EIF2AK3: variants seen among roughly 807,000 people sequenced by gnomAD.
EIF2AK3 encodes eukaryotic translation initiation factor 2 alpha kinase 3.
In EIF2AK3, 50 loss-of-function variants were observed where a neutral mutation model predicts 113.5. That is an observed-to-expected ratio of 0.44 (90% confidence interval 0.35 to 0.56). The LOEUF is 0.56. Among genes scored for constraint, EIF2AK3 ranks in the 20% least tolerant of loss-of-function variants. EIF2AK3 has a pLI of 0.00. For missense variants in EIF2AK3, 1,185 were observed against 1,378.0 expected (o/e 0.86, Z 2.22); for synonymous variants, 448 against 495.4 (o/e 0.90, Z 1.27).
chr2:88,619,572 T>C (rs1675667864), intron 1 of EIF2AK3, among the ~76,000 whole-genome samples: 1 of 152,178 alleles, frequency 6.6e-6, no homozygotes, highest in East Asian at 1.9e-4. Flanking sequence ...ACCTAACATT[T>C]AAATCAGACA....
chr2:88,557,631 T>C lies in EIF2AK3; in HGVS notation c.*105A>G. The C allele has an allele frequency of 7.8e-7, 1 of 1,281,686 alleles. No homozygotes were observed. The highest frequency in any genetic ancestry group is 1.1e-6 in the Non-Finnish European group (1 of 880,498). The allele number at this position is 1,281,686 out of a possible 1,614,324, so 79.4% of individuals were successfully genotyped here. A position where few individuals can be genotyped will look rare whatever the true frequency, so the allele number is the denominator to read the frequency against. On this transcript the variant is annotated 3_prime_UTR_variant, in exon 17 of 17. Transcript: ENST00000303236. ...ATAAAAAAAGTAGTCCACAAAAAAATTGAGCGAAGAACAAACTTTTCAAGT... is the reference window on the plus strand; with the variant it reads ...ATAAAAAAAGTAGTCCACAAAAAAACTGAGCGAAGAACAAACTTTTCAAGT...
intron 14 of EIF2AK3, among the ~76,000 whole-genome samples, chr2:88,565,118 C>G (rs1227626546): frequency 6.6e-6 from 1 of 150,396 alleles, no homozygotes; most frequent in Non-Finnish European, 1.5e-5. Flanking sequence ...CTCACTGCAA[C>G]CTCCCCCTCC....
At chr2:88,570,653 G>A (rs767591806) in intron 14 of EIF2AK3, among the ~76,000 whole-genome samples, 1 of 152,148 alleles carries the variant, frequency 6.6e-6, no homozygotes, top group African/African-American at 2.4e-5. Context: ...GGGGGTGAGT[G>A]CATTTTATGT....
chr2:88,598,344 A>C (rs551207454), intron 2 of EIF2AK3, among the ~76,000 whole-genome samples: 1 of 152,286 alleles, frequency 6.6e-6, no homozygotes, highest in South Asian at 2.1e-4. Flanking sequence ...CTCCTTACAG[A>C]GTACTTATTA....
Position 88,557,567 on chromosome 2 carries a change from C to A in EIF2AK3, c.*169G>T. On this transcript the variant is annotated 3_prime_UTR_variant, in exon 17 of 17. Coordinates refer to ENST00000303236, the MANE Select transcript of EIF2AK3 (RefSeq NM_004836.7). Reference sequence around the variant, plus strand: ...GTATAGCAAAACTCAGGAGTTGGCTCAAATTAGGTTATGCCCCCAAATCCA... The same window carrying A: ...GTATAGCAAAACTCAGGAGTTGGCTAAAATTAGGTTATGCCCCCAAATCCA... 1 of 712,644 alleles carries A rather than the reference C, an allele frequency of 1.4e-6. No homozygotes were observed. The highest frequency in any genetic ancestry group is 2.4e-6 in the Non-Finnish European group (1 of 410,824). 44.1% of individuals were successfully genotyped at this position (712,644 alleles called of 1,614,324 possible).
Position 88,557,340 on chromosome 2 carries a change from A to T in EIF2AK3, c.*396T>A, listed in dbSNP as rs987371422. 8 of 183,810 alleles carry T rather than the reference A, an allele frequency of 4.4e-5. No individual in the cohort carries two copies. The highest frequency in any genetic ancestry group is 9.3e-5 in the Non-Finnish European group (8 of 86,134). The allele number at this position is 183,810 out of a possible 1,614,324, so 11.4% of individuals were successfully genotyped here. A position where few individuals can be genotyped will look rare whatever the true frequency, so the allele number is the denominator to read the frequency against. ...TTTCAAAATCATCATATCTCTAGAA[A>T]GCATATTTCTAGAACAATACAGTTA... On this transcript the variant is annotated 3_prime_UTR_variant, in exon 17 of 17. Transcript: ENST00000303236.
In EIF2AK3 at chr2:88,576,643, C is replaced by A; in HGVS notation, c.1947G>T (p.Pro649=). ...EVKALAKLEH[P]GIVRYFNAWL... is the part of the protein sequence containing the mutation. ...AGGCATTGAAATATCTAACAATGCC[C>A]GGGTGTTCAAGCTTGGCTAAGGCTT... The change falls in exon 12 of 17, where the codon CCG becomes CCT. Residue 649 remains proline, a synonymous_variant. Coordinates refer to ENST00000303236, the MANE Select transcript of EIF2AK3 (RefSeq NM_004836.7). 6.2e-7 allele frequency: 1 copy of A among 1,614,058 alleles called. No individual in the cohort carries two copies. Among genetic ancestry groups the A allele is most frequent in the Non-Finnish European group, 8.5e-7 (1 of 1,179,992 alleles).
chr2:88,579,743 A>G, intron 10 of EIF2AK3, 103 bp from the exon 11 acceptor site: 2 of 1,055,960 alleles, frequency 1.9e-6, no homozygotes, highest in Non-Finnish European at 2.8e-6. Flanking sequence ...GTATAAACTC[A>G]TAGAACTCAT....
rs1674645367 is a variant in EIF2AK3 at position 88,583,467 on chromosome 2, T to G, written c.1726A>C (p.Ser576Arg). 1.2e-6 allele frequency: 2 copies of G among 1,613,306 alleles called. No homozygotes were observed. The highest frequency in any genetic ancestry group is 4.5e-5 in the East Asian group (2 of 44,754). The change falls in exon 10 of 17, where the codon AGC becomes CGC. Residue 576 changes from serine (S) to arginine (R), a missense_variant. This residue lies in a region of EIF2AK3 where 877 missense variants were observed against 1,024.2 expected (regional missense o/e 0.86). Transcript: ENST00000303236. ...DSVSGEANDS[S>R]WNDIKNSGYI... Reference sequence around the variant, plus strand: ...CCAGAGTTTTTTATGTCATTCCAGCTACTGTCATTGGCTTCACCACTTACA... The same window carrying G: ...CCAGAGTTTTTTATGTCATTCCAGCGACTGTCATTGGCTTCACCACTTACA...
At chr2:88,568,669 G>A (rs1332032548) in intron 14 of EIF2AK3, among the ~76,000 whole-genome samples, 1 of 152,122 alleles carries the variant, frequency 6.6e-6, no homozygotes, top group Non-Finnish European at 1.5e-5. Flanking sequence ...ACGACAGTAT[G>A]TACCCCATAA....
chr2:88,606,284 T>C (rs1263420784), intron 2 of EIF2AK3, among the ~76,000 whole-genome samples: 2 of 150,126 alleles, frequency 1.3e-5, no homozygotes, highest in Admixed American at 6.6e-5. Context: ...ACAATGTACA[T>C]GAAGAGTCAA....
chr2:88,586,460 A>G lies in EIF2AK3; in HGVS notation c.1430-399T>C, dbSNP rs140070135. Among the ~76,000 whole-genome samples the G allele has an allele frequency of 9.2e-5, 14 of 152,252 alleles. No individual in the cohort carries two copies. In the East Asian group the frequency reaches 2.7e-3, roughly 29 times the overall value. On this transcript the variant is annotated intron_variant, in intron 8 of 16. Transcript: ENST00000303236. The stretch of plus-strand genomic sequence containing the variant: ...TTTACCACCAATCATTCTTCACAAA[A>G]TGAAAGGAAAACATCCATGCTGTTT...
At chr2:88,584,875 T>C (rs937826922) in intron 9 of EIF2AK3, among the ~76,000 whole-genome samples, 1 of 151,518 alleles carries the variant, frequency 6.6e-6, no homozygotes, top group Non-Finnish European at 1.5e-5. Context: ...CTGAGCACGG[T>C]GGAGGGGAGG....
At chr2:88,564,798 A>G (rs1674062795) in intron 14 of EIF2AK3, among the ~76,000 whole-genome samples, 1 of 152,214 alleles carries the variant, frequency 6.6e-6, no homozygotes, top group Non-Finnish European at 1.5e-5. Flanking sequence ...AAGAACCTCA[A>G]AGAGTTAAAA....
Position 88,557,593 on chromosome 2 carries a change from G to T in EIF2AK3, c.*143C>A. The T allele has an allele frequency of 1.1e-6, 1 of 888,782 alleles. No individual in the cohort carries two copies. Among genetic ancestry groups the T allele is most frequent in the Non-Finnish European group, 1.8e-6 (1 of 541,808 alleles). The allele number at this position is 888,782 out of a possible 1,614,324, so 55.1% of individuals were successfully genotyped here. ...AAATTAGGTTATGCCCCCAAATCCA[G>T]CTTAAATTTGATATAAAAAAAGTAG... On this transcript the variant is annotated 3_prime_UTR_variant, in exon 17 of 17. Coordinates refer to ENST00000303236, the MANE Select transcript of EIF2AK3 (RefSeq NM_004836.7).
intron 1 of EIF2AK3, among the ~76,000 whole-genome samples, chr2:88,622,140 G>A (rs1311128645): frequency 2.6e-5 from 4 of 151,912 alleles, no homozygotes; most frequent in African/African-American, 4.8e-5. Context: ...CAGGTGATCC[G>A]CCTGCCTTGG....
intron 2 of EIF2AK3, among the ~76,000 whole-genome samples, chr2:88,606,045 T>C (rs1675263501): frequency 2.0e-5 from 3 of 152,192 alleles, no homozygotes. Flanking sequence ...AATGATTTGG[T>C]ATTTATCTTA....
At position 88,595,604 on chromosome 2, in the gene EIF2AK3, T is replaced by G. The variant is rs767773902; in HGVS notation, c.498A>C (p.Gln166His). The change falls in exon 3 of 17, where the codon CAA (glutamine) becomes CAC (histidine). Residue 166 changes from glutamine (Q) to histidine (H), a missense_variant. By Grantham distance (24) the Gln-to-His change is conservative (BLOSUM62 0). Around this residue, in one of 3 missense-constraint regions of EIF2AK3, gnomAD observed 119 missense variants for 178.7 expected, o/e 0.67. Coordinates refer to ENST00000303236, the MANE Select transcript of EIF2AK3 (RefSeq NM_004836.7). Reference sequence around the variant, plus strand: ...GAACTGTTTCCATGCTTTCACGGTCTTGGTCCCACTGGAAGAGGGCTCCAT... The same window carrying G: ...GAACTGTTTCCATGCTTTCACGGTCGTGGTCCCACTGGAAGAGGGCTCCAT... Reference protein sequence around the residue: ...SLDGALFQWDQDRESMETVPF... With the variant: ...SLDGALFQWDHDRESMETVPF... 6.2e-7 allele frequency: 1 copy of G among 1,613,914 alleles called. No homozygotes were observed. The highest frequency in any genetic ancestry group is 1.3e-5 in the African/African-American group (1 of 74,916).
chr2:88,574,994 CCAATATG>C lies in EIF2AK3; in HGVS notation c.2482_2488del (p.His828AlafsTer8). 6.2e-7 allele frequency: 1 copy of C among 1,614,130 alleles called. No homozygotes were observed. The highest frequency in any genetic ancestry group is 1.3e-5 in the African/African-American group (1 of 75,018). On this transcript the variant is annotated frameshift_variant, in exon 13 of 17. Transcript: ENST00000303236. LOFTEE classifies it high-confidence loss of function. Reference sequence around the variant, plus strand: ...AGTTAGTTTATTAGCACAATGGTTGCCAATATGCAATCGATTAGTTTTCGGCTCTTCT... The same window carrying C: ...AGTTAGTTTATTAGCACAATGGTTGCCAATCGATTAGTTTTCGGCTCTTCT...
Sources: gnomAD v4.1 joint callset for allele counts (sites outside exome capture counted in the v4.1 genomes callset) on GRCh38, gnomAD v4.1.1 for gene constraint, gnomAD v4.1.1 regional missense constraint, MANE v1.5 for transcripts, NCBI Gene and HGNC (gene_info 2026-07-23, HGNC 2026-07-21) for gene names.